Variants in ZDHHC11 observed in about 807,000 individuals in gnomAD.
ZDHHC11 encodes the protein zDHHC palmitoyltransferase 11, also known as palmitoyltransferase ZDHHC11.
A neutral mutation model predicts 51.3 loss-of-function variants in ZDHHC11; 44 were observed. The observed-to-expected ratio is 0.86, with a 90% CI of 0.67 to 1.10. The LOEUF (loss-of-function observed/expected upper bound fraction) is 1.10, where lower values mean the gene tolerates loss of function less well. Among genes scored for constraint, ZDHHC11 ranks in the 50% least tolerant of loss-of-function variants. ZDHHC11 has a pLI of 0.00. For missense variants in ZDHHC11, 400 were observed against 537.7 expected, an observed-to-expected ratio of 0.74 and a Z score of 2.53; for synonymous variants, 163 against 222.0, an observed-to-expected ratio of 0.73 and a Z score of 2.36.
rs1175058356 is a variant in ZDHHC11 at position 833,215 on chromosome 5, T to A, written c.935+558A>T. Among the ~76,000 whole-genome samples the A allele has an allele frequency of 2.6e-5, 4 of 152,404 alleles. No individual in the cohort carries two copies. In the East Asian group the frequency reaches 7.7e-4, roughly 29 times the overall value. The stretch of plus-strand genomic sequence containing the variant: ...AGAAAGAGTCTGTGAAGACTGAAAA[T>A]GCGCGTGCCCTTTGACTCTCAGCTT... On this transcript the variant is annotated intron_variant, in intron 7 of 12. Coordinates refer to ENST00000283441, the MANE Select transcript of ZDHHC11 (RefSeq NM_024786.3).
At chr5:824,631 A>C (rs1332494152) in intron 8 of ZDHHC11, among the ~76,000 whole-genome samples, 1 of 149,948 alleles carries the variant, frequency 6.7e-6, no homozygotes, top group Non-Finnish European at 1.5e-5. Context: ...GTGACCACAC[A>C]CCACACACAA....
chr5:853,663 A>T (rs1247671630), upstream of ZDHHC11, among the ~76,000 whole-genome samples: 1 of 150,366 alleles, frequency 6.7e-6, no homozygotes, highest in Non-Finnish European at 1.5e-5. Context: ...CACAGAGGAC[A>T]GCGAGCCACG....
intron 6 of ZDHHC11, among the ~76,000 whole-genome samples, chr5:836,530 T>A (rs1282512146): frequency 1.3e-5 from 2 of 150,046 alleles, no homozygotes; most frequent in Non-Finnish European, 3.0e-5. Context: ...GTTGCTTCCT[T>A]CTCTGTTTTC....
intron 5 of ZDHHC11, chr5:840,117 G>T (rs1744542686): frequency 1.6e-6 from 1 of 611,018 alleles, no homozygotes; most frequent in Non-Finnish European, 2.9e-6. Flanking sequence ...TTCTACTTGT[G>T]TTTTTGGAAG....
rs1738209063 is a variant in ZDHHC11 at position 800,158 on chromosome 5, A to G, written c.*7+942T>C. Among the ~76,000 whole-genome samples the G allele has an allele frequency of 2.6e-5, 4 of 151,098 alleles. 1 individual carries two copies. The highest frequency in any genetic ancestry group is 5.9e-5 in the Non-Finnish European group (4 of 67,612). Reference sequence around the variant, plus strand: ...TTGACCTTCCTCAGGGCTCTATGGCACCCAGACGGCTGTGGGAAGCTGCCT... The same window carrying G: ...TTGACCTTCCTCAGGGCTCTATGGCGCCCAGACGGCTGTGGGAAGCTGCCT... On this transcript the variant is annotated intron_variant, in intron 12 of 12. Coordinates refer to ENST00000283441, the MANE Select transcript of ZDHHC11 (RefSeq NM_024786.3).
chr5:856,900 AACCACAC>A (rs1275243541), intron 1 of ZDHHC11, among the ~76,000 whole-genome samples: 1 of 146,054 alleles, frequency 6.8e-6, no homozygotes, highest in African/African-American at 2.5e-5. Context: ...ACATACACCA[AACCACAC>A]ACCACACACA....
chr5:809,013 ACG>A (rs1491467131), intron 11 of ZDHHC11, among the ~76,000 whole-genome samples: 13 of 144,916 alleles, frequency 9.0e-5, no homozygotes, highest in Admixed American at 1.4e-4. Flanking sequence ...ACACACACAC[ACG>A]CACACTATTT....
intron 11 of ZDHHC11, among the ~76,000 whole-genome samples, chr5:812,823 T>C (rs2150314034): frequency 6.6e-6 from 1 of 151,352 alleles, no homozygotes; most frequent in East Asian, 1.9e-4. Context: ...CCACGGTATA[T>C]GCACATCATG....
chr5:824,253 G>A (rs1741972810), intron 8 of ZDHHC11, among the ~76,000 whole-genome samples: 1 of 151,356 alleles, frequency 6.6e-6, no homozygotes, highest in Non-Finnish European at 1.5e-5. Flanking sequence ...GAGATGAGAA[G>A]TTCCAAACAA....
At chr5:852,628 C>T (rs1236476281), upstream of ZDHHC11, among the ~76,000 whole-genome samples, 22 of 149,856 alleles carry the variant, frequency 1.5e-4, no homozygotes, top group Non-Finnish European at 1.5e-4. Context: ...GTACAGACTC[C>T]ACAGAGGACA....
intron 11 of ZDHHC11, among the ~76,000 whole-genome samples, chr5:809,690 AAT>A (rs1739844452): frequency 8.2e-6 from 1 of 121,808 alleles, no homozygotes; most frequent in Non-Finnish European, 1.7e-5. Flanking sequence ...CAGGCTCTGG[AAT>A]GGTGAGAAAT....
At position 850,758 on chromosome 5, in the gene ZDHHC11, A is replaced by G. The variant is rs934882125; in HGVS notation, c.-156T>C. 1.0e-5 allele frequency: 9 copies of G among 896,574 alleles called. No individual in the cohort carries two copies. Among genetic ancestry groups the G allele is most frequent in the Non-Finnish European group, 1.5e-5 (9 of 599,870 alleles). The allele number at this position is 896,574 out of a possible 1,614,324, so 55.5% of individuals were successfully genotyped here. On this transcript the variant is annotated 5_prime_UTR_variant, in exon 1 of 13. Transcript: ENST00000283441. ...CTGCCTGGGGCCACGTTCCCCGCAG[A>G]GGGAGCAGGGGCTGGGCTGGAGTCG...
intron 4 of ZDHHC11, 75 bp from the exon 5 acceptor site, chr5:840,725 G>C: frequency 4.4e-6 from 7 of 1,600,174 alleles, no homozygotes; most frequent in Non-Finnish European, 6.0e-6. Context: ...TCACAGACCA[G>C]AGCGTGCTGG....
chr5:809,015 G>GACACACA (rs1739723124), intron 11 of ZDHHC11, among the ~76,000 whole-genome samples: 1 of 82,788 alleles, frequency 1.2e-5, no homozygotes, highest in African/African-American at 7.6e-5. Flanking sequence ...ACACACACAC[G>GACACACA]CACACTATTT....
chr5:821,181 G>A (rs1741512991), intron 9 of ZDHHC11: 1 of 151,512 alleles, frequency 6.6e-6, no homozygotes, highest in Non-Finnish European at 1.5e-5. Flanking sequence ...CTCCCCCCGG[G>A]GCAGGAGAAG....
chr5:798,235 A>T (rs1737870071), intron 12 of ZDHHC11, among the ~76,000 whole-genome samples: 1 of 151,226 alleles, frequency 6.6e-6, no homozygotes, highest in Non-Finnish European at 1.5e-5. Context: ...GTGAAAATGA[A>T]GTTGACCAGG....
chr5:804,199 A>G (rs1450402841), intron 11 of ZDHHC11, among the ~76,000 whole-genome samples: 3 of 151,342 alleles, frequency 2.0e-5, no homozygotes, highest in Admixed American at 6.6e-5. Context: ...CAAGTTTTAA[A>G]TTGTGTGTAG....
At chr5:834,559 GT>G (rs1743543868) in intron 6 of ZDHHC11, among the ~76,000 whole-genome samples, 1 of 152,152 alleles carries the variant, frequency 6.6e-6, no homozygotes, top group African/African-American at 2.4e-5. Flanking sequence ...AAAGCTCTTT[GT>G]GTCTTTGTGT....
At chr5:815,470 CTCGCCAATG>C in intron 10 of ZDHHC11, among the ~76,000 whole-genome samples, 1 of 151,798 alleles carries the variant, frequency 6.6e-6, no homozygotes, top group East Asian at 1.9e-4. Flanking sequence ...TGCCAAACTG[CTCGCCAATG>C]TGGCATCATC....
Sources: allele counts gnomAD v4.1 joint callset (sites outside exome capture counted in the v4.1 genomes callset), GRCh38; gene constraint gnomAD v4.1.1; transcripts MANE v1.5; gene names NCBI Gene and HGNC (gene_info 2026-07-23, HGNC 2026-07-21).